The following E2F6 variants were observed in gnomAD, a reference collection of about 807,000 sequenced individuals.
E2F6 encodes transcription factor E2F6.
A neutral mutation model predicts 31.5 loss-of-function variants in E2F6; 19 were observed. The ratio of observed to expected loss-of-function variants is 0.60; its 90% confidence interval spans 0.42 to 0.89. The LOEUF is 0.89. E2F6 is among the 40% of genes least tolerant of loss of function. E2F6 has a pLI of 0.00. For missense variants in E2F6, 269 were observed against 341.6 expected (o/e 0.79, Z 1.67); for synonymous variants, 121 against 127.7 (o/e 0.95, Z 0.36).
chr2:11,462,572 G>T (rs1392687294), intron 1 of E2F6, among the ~76,000 whole-genome samples: 3 of 152,094 alleles, frequency 2.0e-5, no homozygotes, highest in Non-Finnish European at 4.4e-5. Context: ...ATTCTCTTCA[G>T]CATACTGGAA....
At chr2:11,451,344 CTAACTTTTT>C in intron 4 of E2F6, 1 of 113,738 alleles carries the variant, frequency 8.8e-6, no homozygotes, top group Non-Finnish European at 1.9e-5. Context: ...CAACTTTTAC[CTAACTTTTT>C]TTTTTTTTTT....
chr2:11,447,914 G>A, intron 5 of E2F6, 140 bp from the exon 6 acceptor site: 1 of 889,136 alleles, frequency 1.1e-6, no homozygotes, highest in Non-Finnish European at 1.7e-6. Context: ...CAATTCCCAT[G>A]CTGAAGACAG....
At chr2:11,465,629 A>G in intron 1 of E2F6, 143 bp downstream of exon 1, 1 of 748,860 alleles carries the variant, frequency 1.3e-6, no homozygotes, top group Admixed American at 2.4e-5. Flanking sequence ...GGGAGAGCGC[A>G]GTTCGCAGCA....
chr2:11,465,604 C>G (rs1010200927), intron 1 of E2F6, among the ~76,000 whole-genome samples, 168 bp downstream of exon 1: 1 of 152,242 alleles, frequency 6.6e-6, no homozygotes, highest in African/African-American at 2.4e-5. Context: ...TGAGCAGATG[C>G]TGAAAGCAGA....
chr2:11,454,871 A>G (rs1240933486), intron 2 of E2F6, among the ~76,000 whole-genome samples: 3 of 152,188 alleles, frequency 2.0e-5, no homozygotes, highest in Admixed American at 1.3e-4. Context: ...TTAACTCCAT[A>G]TTGTGAACAT....
At chr2:11,455,927 T>G (rs1671376320) in intron 2 of E2F6, among the ~76,000 whole-genome samples, 1 of 152,000 alleles carries the variant, frequency 6.6e-6, no homozygotes, top group South Asian at 2.1e-4. Flanking sequence ...TGGGCGGTGT[T>G]TGCCCACTGT....
At chr2:11,447,494 T>C (rs1670789746) in intron 6 of E2F6, 133 bp downstream of exon 6, 4 of 935,856 alleles carry the variant, frequency 4.3e-6, no homozygotes, top group Non-Finnish European at 6.6e-6. Flanking sequence ...TAAACTACAG[T>C]AAGAGTTATG....
intron 1 of E2F6, among the ~76,000 whole-genome samples, chr2:11,461,745 A>G (rs1032661262): frequency 6.6e-6 from 1 of 152,222 alleles, no homozygotes; most frequent in African/African-American, 2.4e-5. Context: ...ACAGGATAGA[A>G]GATTCTAACC....
In E2F6 at chr2:11,465,694, G is replaced by C. The variant is rs1672147022; in HGVS notation, c.108+78C>G. On this transcript the variant is annotated intron_variant, in intron 1 of 6. Transcript: ENST00000381525. ...GCAGACGACCCAGACGACGGCCAGC[G>C]GGGTTGGCGGCGGCGCGGGGAGGAG... The C allele has an allele frequency of 3.4e-6, 5 of 1,460,880 alleles. No homozygotes were observed. The African/African-American group carries it at 4.2e-5, about 12-fold the overall frequency. The allele number at this position is 1,460,880 out of a possible 1,614,324, so 90.5% of individuals were successfully genotyped here.
Position 11,447,622 on chromosome 2 carries a change from T to C in E2F6, c.799+5A>G. 1.9e-6 allele frequency: 3 copies of C among 1,611,522 alleles called. No individual in the cohort carries two copies. In the South Asian group the frequency reaches 3.3e-5, roughly 18 times the overall value. On this transcript the variant is annotated splice_donor_5th_base_variant and intron_variant, in intron 6 of 6. Transcript: ENST00000381525. The stretch of plus-strand genomic sequence containing the variant: ...AAATACTGTCAGAATCACTGGTATA[T>C]TTACCTTCCTCAGGGCCTTCTGGAT...
intron 1 of E2F6, among the ~76,000 whole-genome samples, chr2:11,460,496 T>G (rs1486483894): frequency 6.6e-6 from 1 of 152,200 alleles, no homozygotes; most frequent in African/African-American, 2.4e-5. Flanking sequence ...GCTATGGACT[T>G]GGACTGAGCC....
chr2:11,461,542 G>C (rs916288282), intron 1 of E2F6, among the ~76,000 whole-genome samples: 1 of 152,040 alleles, frequency 6.6e-6, no homozygotes, highest in Admixed American at 6.6e-5. Flanking sequence ...TAGTAGAAAC[G>C]GGGTTTCACC....
At chr2:11,458,363 G>C (rs749933187) in intron 1 of E2F6, 2 of 1,551,576 alleles carry the variant, frequency 1.3e-6, no homozygotes, top group South Asian at 1.2e-5. Context: ...TGTGGGGAGA[G>C]AAGAAAAAAG....
At chr2:11,460,418 G>A (rs557806662) in intron 1 of E2F6, among the ~76,000 whole-genome samples, 8 of 152,218 alleles carry the variant, frequency 5.3e-5, no homozygotes, top group Non-Finnish European at 1.0e-4. Context: ...TTTGTCCTTG[G>A]ACAACAACTT....
chr2:11,451,304 G>A (rs1671046947), intron 4 of E2F6: 2 of 163,134 alleles, frequency 1.2e-5, no homozygotes, highest in East Asian at 3.7e-4. Context: ...AAAACCTACT[G>A]TTTGTGTATG....
intron 1 of E2F6, among the ~76,000 whole-genome samples, chr2:11,464,686 CAA>C (rs551335518): frequency 1.8e-4 from 27 of 151,998 alleles, no homozygotes; most frequent in Non-Finnish European, 2.8e-4. Flanking sequence ...AGCTTCAACC[CAA>C]GTTTCTACAC....
At chr2:11,447,552 C>CT in intron 6 of E2F6, 75 bp downstream of exon 6, 1 of 1,499,378 alleles carries the variant, frequency 6.7e-7, no homozygotes, top group Non-Finnish European at 9.1e-7. Flanking sequence ...GTAAAAATAT[C>CT]TTAAGGCCAT....
In E2F6 at chr2:11,465,736, G is replaced by C. The variant is rs199590884; in HGVS notation, c.108+36C>G. 2.3e-5 allele frequency: 36 copies of C among 1,552,154 alleles called. No individual in the cohort carries two copies. The Admixed American group carries it at 3.5e-4, about 15-fold the overall frequency. ...GGGGAGGAGGGGGCCGGATTTGGGA[G>C]ACCACCGCCCGTCCCCGTCCCGTCC... On this transcript the variant is annotated intron_variant, in intron 1 of 6. Transcript: ENST00000381525.
chr2:11,454,762 TAC>T (rs1322422877), intron 2 of E2F6, among the ~76,000 whole-genome samples: 2 of 151,772 alleles, frequency 1.3e-5, no homozygotes, highest in Admixed American at 6.6e-5. Context: ...GGGGTTTTCA[TAC>T]ACACACACAC....
Sources: allele counts gnomAD v4.1 joint callset (sites outside exome capture counted in the v4.1 genomes callset), GRCh38; gene constraint gnomAD v4.1.1; transcripts MANE v1.5; gene names NCBI Gene and HGNC (gene_info 2026-07-23, HGNC 2026-07-21).